The following SCAP variants were observed in gnomAD, a reference collection of about 807,000 sequenced individuals.
SCAP encodes sterol regulatory element-binding protein cleavage-activating protein.
In SCAP, 65 loss-of-function variants were observed where a neutral mutation model predicts 123.6. The observed-to-expected ratio is 0.53, with a 90% confidence interval of 0.43 to 0.65. SCAP has a LOEUF of 0.65. Ranked by LOEUF, SCAP falls within the 30% of genes least tolerant of loss-of-function variation. The pLI, the probability that SCAP is intolerant of heterozygous loss-of-function variation, is 0.00. For missense variants in SCAP, 1,398 were observed against 1,712.5 expected (o/e 0.82, Z 3.24); for synonymous variants, 740 against 726.3 (o/e 1.02, Z -0.30).
intron 10 of SCAP, chr3:47,421,342 C>A: frequency 3.2e-6 from 1 of 308,914 alleles, no homozygotes; most frequent in Non-Finnish European, 6.3e-6. Flanking sequence ...ACCTCTAAGC[C>A]CCACCAGCCT....
chr3:47,445,363 C>G, intron 1 of SCAP, among the ~76,000 whole-genome samples: 1 of 150,918 alleles, frequency 6.6e-6, no homozygotes, highest in Non-Finnish European at 1.5e-5. Flanking sequence ...TCTCTTGCCT[C>G]AGCTTCCTGA....
At chr3:47,435,271 C>T (rs1427554969) in intron 2 of SCAP, 134 bp from the exon 3 acceptor site, 2 of 995,970 alleles carry the variant, frequency 2.0e-6, no homozygotes, top group Non-Finnish European at 2.8e-6. Flanking sequence ...ATTAGAATCA[C>T]AAAATTGCAA....
At chr3:47,425,448 C>T (rs747792802) in intron 8 of SCAP, 37 bp downstream of exon 8, 27 of 1,601,828 alleles carry the variant, frequency 1.7e-5, no homozygotes, top group Non-Finnish European at 2.0e-5. Flanking sequence ...TGGCCTGAGC[C>T]CACCCTGTGG....
intron 7 of SCAP, 129 bp from the exon 8 acceptor site, chr3:47,425,740 G>A: frequency 9.5e-7 from 1 of 1,051,922 alleles, no homozygotes; most frequent in Non-Finnish European, 1.4e-6. Flanking sequence ...GAAAGGGACA[G>A]GCACAAGCAC....
intron 1 of SCAP, among the ~76,000 whole-genome samples, chr3:47,472,460 A>ATAATAAT (rs1553652297): frequency 6.9e-6 from 1 of 145,702 alleles, no homozygotes; most frequent in Non-Finnish European, 1.5e-5. Context: ...AAATAAAATA[A>ATAATAAT]AATAATAATA....
chr3:47,418,888 C>A (rs780035452), intron 13 of SCAP, 45 bp from the exon 14 acceptor site: 1 of 1,462,964 alleles, frequency 6.8e-7, no homozygotes, highest in Admixed American at 2.7e-5. Context: ...CCTCCCAGGG[C>A]TTCCTCCTGC....
intron 4 of SCAP, 116 bp from the exon 5 acceptor site, chr3:47,427,783 C>G (rs182755936): frequency 1.1e-6 from 1 of 878,862 alleles, no homozygotes; most frequent in African/African-American, 1.7e-5. Context: ...TCTCTGGTAT[C>G]GCCAAAGAGC....
At position 47,417,511 on chromosome 3, in the gene SCAP, C is replaced by T. The variant is rs1461609785; in HGVS notation, c.2763G>A (p.Gln921=). The T allele has an allele frequency of 3.2e-6, 5 of 1,556,512 alleles. No individual in the cohort carries two copies. In the East Asian group the frequency reaches 1.2e-4, roughly 37 times the overall value. ...DFSCLVQRVY[Q]EEGLAAVCTP... Reference sequence around the variant, plus strand: ...TGCAGACGGCCGCCAGCCCCTCCTCCTGGTACACCCGCTGCACCAGGCAGC... The same window carrying T: ...TGCAGACGGCCGCCAGCCCCTCCTCTTGGTACACCCGCTGCACCAGGCAGC... The change falls in exon 17 of 23, where the codon CAG becomes CAA. Residue 921 remains glutamine (Q), a synonymous_variant. Transcript: ENST00000265565.
rs893399731 is a variant in SCAP at position 47,437,792 on chromosome 3, GA to G, written c.123-2656del. Among the ~76,000 whole-genome samples the G allele has an allele frequency of 1.2e-3, 179 of 150,924 alleles. 3 individuals carry two copies. The highest frequency in any genetic ancestry group is 3.5e-3 in the African/African-American group (146 of 41,178). ...GATAATTGTTTTTAATTAAAAAAAA[GA>G]AAAAAAAAGAATAAAACTATTATCC... is the stretch of plus-strand genomic sequence containing the variant. On this transcript the variant is annotated intron_variant, in intron 2 of 22. Coordinates refer to ENST00000265565, the MANE Select transcript of SCAP (RefSeq NM_012235.4).
chr3:47,428,848 G>A, intron 3 of SCAP, 178 bp from the exon 4 acceptor site: 3 of 605,826 alleles, frequency 5.0e-6, no homozygotes, highest in Non-Finnish European at 8.3e-6. Flanking sequence ...ACAATTTGCT[G>A]AAACCCAGAA....
intron 3 of SCAP, among the ~76,000 whole-genome samples, chr3:47,431,071 C>G (rs1365546147): frequency 6.6e-6 from 1 of 151,878 alleles, no homozygotes; most frequent in Non-Finnish European, 1.5e-5. Flanking sequence ...AAGGCCTCAT[C>G]CACTTTGTCT....
At chr3:47,453,304 A>G (rs993686492) in intron 1 of SCAP, among the ~76,000 whole-genome samples, 3 of 151,858 alleles carry the variant, frequency 2.0e-5, no homozygotes, top group African/African-American at 7.3e-5. Context: ...GCACTTTGGG[A>G]GGCTGAGATG....
chr3:47,455,736 C>T (rs1216395379), intron 1 of SCAP, among the ~76,000 whole-genome samples: 1 of 152,104 alleles, frequency 6.6e-6, no homozygotes, highest in Non-Finnish European at 1.5e-5. Context: ...TGTCACTCTT[C>T]CTACATTCAT....
At chr3:47,422,844 T>G (rs1705963694) in intron 9 of SCAP, 3 of 255,304 alleles carry the variant, frequency 1.2e-5, no homozygotes, top group Non-Finnish European at 2.2e-5. Flanking sequence ...GAAAGCCAAG[T>G]GCCACCCACA....
chr3:47,460,505 G>C (rs376960787), intron 1 of SCAP, among the ~76,000 whole-genome samples: 1 of 152,192 alleles, frequency 6.6e-6, no homozygotes, highest in East Asian at 1.9e-4. Flanking sequence ...CCCTCCGTTC[G>C]GGGTCCCTGA....
intron 1 of SCAP, among the ~76,000 whole-genome samples, chr3:47,457,705 A>C (rs1707480602): frequency 6.6e-6 from 1 of 151,352 alleles, no homozygotes; most frequent in African/African-American, 2.4e-5. Flanking sequence ...CAGGAGATCG[A>C]GACCATCCTG....
chr3:47,442,432 C>G (rs1576288787), intron 2 of SCAP, among the ~76,000 whole-genome samples: 1 of 152,108 alleles, frequency 6.6e-6, no homozygotes, highest in Non-Finnish European at 1.5e-5. Flanking sequence ...GACTAGAGAG[C>G]AAAGAAGCAA....
At chr3:47,435,241 A>C in intron 2 of SCAP, 104 bp from the exon 3 acceptor site, 1 of 1,312,236 alleles carries the variant, frequency 7.6e-7, no homozygotes. Flanking sequence ...TTCTGTCAGG[A>C]CTGTACAAAT....
At chr3:47,416,896 G>C (rs1247891570) in intron 18 of SCAP, among the ~76,000 whole-genome samples, 1 of 151,864 alleles carries the variant, frequency 6.6e-6, no homozygotes, top group Non-Finnish European at 1.5e-5. Context: ...AAAGTGCTGG[G>C]ATTACAGGCG....
Sources: gnomAD v4.1 joint callset for allele counts (sites outside exome capture counted in the v4.1 genomes callset) on GRCh38, gnomAD v4.1.1 for gene constraint, MANE v1.5 for transcripts, NCBI Gene and HGNC (gene_info 2026-07-23, HGNC 2026-07-21) for gene names.